The following ZBTB7C variants were observed in gnomAD, a reference collection of about 807,000 sequenced individuals.
ZBTB7C encodes zinc finger and BTB domain containing 7C.
In ZBTB7C, 8 loss-of-function variants were observed where a neutral mutation model predicts 25.7. The observed-to-expected ratio is 0.31, with a 90% CI of 0.18 to 0.56. The LOEUF (loss-of-function observed/expected upper bound fraction) is 0.56. ZBTB7C is among the 20% of genes least tolerant of loss of function. ZBTB7C has a pLI of 0.91. For missense variants in ZBTB7C, 824 were observed against 855.2 expected (o/e 0.96, Z 0.46); for synonymous variants, 394 against 369.0 (o/e 1.07, Z -0.78).
At chr18:48,298,780 T>C (rs2045467938) in intron 2 of ZBTB7C, among the ~76,000 whole-genome samples, 1 of 152,140 alleles carries the variant, frequency 6.6e-6, no homozygotes, top group Admixed American at 6.5e-5. Flanking sequence ...TCTCTGCTTG[T>C]AACCTAGTTC....
chr18:48,281,598 T>A (rs1055778899), intron 2 of ZBTB7C, among the ~76,000 whole-genome samples: 14 of 152,086 alleles, frequency 9.2e-5, no homozygotes, highest in Non-Finnish European at 1.9e-4. Flanking sequence ...TACAATGAAC[T>A]CAAACAAATT....
intron 4 of ZBTB7C, among the ~76,000 whole-genome samples, chr18:48,039,032 G>A (rs1418735959): frequency 1.3e-5 from 2 of 152,316 alleles, no homozygotes; most frequent in South Asian, 2.1e-4. Context: ...ACGTCAACCC[G>A]CCAATCAGTT....
chr18:48,407,918 C>T (rs2048318924), intron 1 of ZBTB7C, among the ~76,000 whole-genome samples: 1 of 152,144 alleles, frequency 6.6e-6, no homozygotes, highest in Non-Finnish European at 1.5e-5. Flanking sequence ...CGAGGTGTTT[C>T]TACCTCGCTG....
At chr18:48,038,543 T>G (rs1398988147) in intron 4 of ZBTB7C, among the ~76,000 whole-genome samples, 1 of 150,104 alleles carries the variant, frequency 6.7e-6, no homozygotes, top group African/African-American at 2.4e-5. Context: ...TTTAGAGGAC[T>G]CATCTTTTTT....
At chr18:48,124,662 C>A (rs984666730) in intron 3 of ZBTB7C, among the ~76,000 whole-genome samples, 1 of 152,128 alleles carries the variant, frequency 6.6e-6, no homozygotes, top group African/African-American at 2.4e-5. Flanking sequence ...GTAGCTGAGA[C>A]CCAGGAATCC....
At chr18:48,304,937 T>C (rs2045635704) in intron 2 of ZBTB7C, among the ~76,000 whole-genome samples, 1 of 151,864 alleles carries the variant, frequency 6.6e-6, no homozygotes, top group African/African-American at 2.4e-5. Context: ...CTGGTTTTCC[T>C]ACTAGTGCTG....
At chr18:48,167,563 GGTGTGTGT>G (rs748451365) in intron 3 of ZBTB7C, among the ~76,000 whole-genome samples, 53 of 142,484 alleles carry the variant, frequency 3.7e-4, no homozygotes, top group African/African-American at 1.3e-3. Flanking sequence ...GCATTGCTAG[GGTGTGTGT>G]GTGTGTGTGT....
At chr18:48,260,887 T>C (rs1252191008) in intron 2 of ZBTB7C, among the ~76,000 whole-genome samples, 1 of 151,968 alleles carries the variant, frequency 6.6e-6, no homozygotes, top group South Asian at 2.1e-4. Context: ...TGAAAACCAT[T>C]CTCCAGAAAA....
intron 1 of ZBTB7C, among the ~76,000 whole-genome samples, chr18:48,352,387 G>A (rs1013742272): frequency 6.6e-6 from 1 of 152,344 alleles, no homozygotes; most frequent in East Asian, 1.9e-4. Context: ...GGGGGCATCC[G>A]CAGTATTCCA....
intron 3 of ZBTB7C, among the ~76,000 whole-genome samples, chr18:48,089,409 G>A (rs529809990): frequency 3.0e-4 from 45 of 151,448 alleles, no homozygotes; most frequent in Non-Finnish European, 5.6e-4. Context: ...GAGGCGGAGG[G>A]TGCAGAGAGC....
chr18:48,207,720 T>C (rs966000844), intron 2 of ZBTB7C, among the ~76,000 whole-genome samples: 1 of 152,182 alleles, frequency 6.6e-6, no homozygotes, highest in African/African-American at 2.4e-5. Context: ...TCCCAAAACG[T>C]TGGGATTACA....
chr18:48,167,487 G>C (rs2041290911), intron 3 of ZBTB7C, among the ~76,000 whole-genome samples: 1 of 151,940 alleles, frequency 6.6e-6, no homozygotes, highest in African/African-American at 2.4e-5. Context: ...GACATCAAAG[G>C]CAACCAGACT....
At chr18:48,284,352 T>A (rs1377197724) in intron 2 of ZBTB7C, among the ~76,000 whole-genome samples, 1 of 151,854 alleles carries the variant, frequency 6.6e-6, no homozygotes, top group Admixed American at 6.6e-5. Context: ...GATGGAAGGA[T>A]CACTTGAGCC....
chr18:48,280,706 C>A (rs1393108525), intron 2 of ZBTB7C, among the ~76,000 whole-genome samples: 1 of 152,096 alleles, frequency 6.6e-6, no homozygotes, highest in Non-Finnish European at 1.5e-5. Flanking sequence ...GAGCCAGAGT[C>A]CCCAGCAAGG....
At chr18:48,250,660 G>A (rs2043823214) in intron 2 of ZBTB7C, among the ~76,000 whole-genome samples, 1 of 152,078 alleles carries the variant, frequency 6.6e-6, no homozygotes, top group Non-Finnish European at 1.5e-5. Context: ...AATTAGCATT[G>A]ATAAAATGCT....
intron 2 of ZBTB7C, among the ~76,000 whole-genome samples, chr18:48,269,426 C>T (rs1382871631): frequency 6.6e-6 from 1 of 152,208 alleles, no homozygotes; most frequent in African/African-American, 2.4e-5. Flanking sequence ...AATACTATCA[C>T]CTTGGAGGTT....
At chr18:48,062,538 C>T (rs1000916266) in intron 3 of ZBTB7C, among the ~76,000 whole-genome samples, 8 of 152,340 alleles carry the variant, frequency 5.3e-5, no homozygotes, top group Admixed American at 2.0e-4. Context: ...GGCTCTTTTA[C>T]ACAAATTACC....
At chr18:48,386,803 C>T (rs1021187725) in intron 1 of ZBTB7C, among the ~76,000 whole-genome samples, 2 of 152,226 alleles carry the variant, frequency 1.3e-5, no homozygotes, top group Admixed American at 6.5e-5. Flanking sequence ...TGTTATCAGA[C>T]ACCACTTGAT....
chr18:48,113,781 C>A (rs976302522), intron 3 of ZBTB7C, among the ~76,000 whole-genome samples: 3 of 152,256 alleles, frequency 2.0e-5, no homozygotes, highest in African/African-American at 2.4e-5. Context: ...GACAACAACC[C>A]TGCTTGCTCT....
Sources: allele counts gnomAD v4.1 joint callset (sites outside exome capture counted in the v4.1 genomes callset), GRCh38; gene constraint gnomAD v4.1.1; transcripts MANE v1.5; gene names NCBI Gene and HGNC (gene_info 2026-07-23, HGNC 2026-07-21).